Variants in ARHGAP26 observed in about 807,000 individuals in gnomAD.
ARHGAP26 encodes Rho GTPase activating protein 26, also known as rho GTPase-activating protein 26.
In ARHGAP26, 38 loss-of-function variants were observed where a neutral mutation model predicts 104.8. That is an observed-to-expected ratio of 0.36 (90% CI 0.28 to 0.48). The LOEUF is 0.48. Among genes scored for constraint, ARHGAP26 ranks in the 20% least tolerant of loss-of-function variants. The pLI is 0.99. For synonymous variants in ARHGAP26, 341 were observed against 340.0 expected, an observed-to-expected ratio of 1.00 and a Z score of -0.03; for missense variants, 704 against 947.9, an observed-to-expected ratio of 0.74 and a Z score of 3.38.
intron 11 of ARHGAP26, among the ~76,000 whole-genome samples, chr5:142,939,557 A>G (rs954178475): frequency 6.6e-5 from 10 of 152,230 alleles, no homozygotes; most frequent in African/African-American, 2.4e-4. Flanking sequence ...TGCATTGCAT[A>G]TGTTCTGCAT....
At chr5:143,200,489 C>T (rs1453433193) in intron 20 of ARHGAP26, among the ~76,000 whole-genome samples, 2 of 151,930 alleles carry the variant, frequency 1.3e-5, no homozygotes, top group Non-Finnish European at 2.9e-5. Flanking sequence ...ATAGAACAGC[C>T]TGTAGCCATT....
intron 10 of ARHGAP26, among the ~76,000 whole-genome samples, chr5:142,926,869 T>A (rs1319290433): frequency 1.3e-5 from 2 of 152,204 alleles, no homozygotes; most frequent in African/African-American, 4.8e-5. Context: ...CCTGCCCCTG[T>A]GATTACAACT....
chr5:143,093,976 G>C (rs1402412997), intron 17 of ARHGAP26, among the ~76,000 whole-genome samples: 6 of 152,106 alleles, frequency 3.9e-5, no homozygotes, highest in Non-Finnish European at 7.4e-5. Flanking sequence ...ACCTCTTGTT[G>C]AAGTTCAACG....
Position 142,808,488 on chromosome 5 carries a change from G to A in ARHGAP26, c.154+37573G>A, listed in dbSNP as rs1289745667. Among the ~76,000 whole-genome samples, 6 of 150,310 alleles carry A rather than the reference G, an allele frequency of 4.0e-5. No individual in the cohort carries two copies. In the Admixed American group the frequency reaches 4.0e-4, roughly 10 times the overall value. The stretch of plus-strand genomic sequence containing the variant: ...TAACATTTGCCATAGTTTATGCTTA[G>A]CAACCTGTGAGATACGGCTAGTGTC... On this transcript the variant is annotated intron_variant, in intron 1 of 22. Transcript: ENST00000645722.
intron 19 of ARHGAP26, among the ~76,000 whole-genome samples, chr5:143,146,617 C>T (rs1040187153): frequency 1.3e-5 from 2 of 152,154 alleles, no homozygotes; most frequent in African/African-American, 2.4e-5. Context: ...CATTACAGAG[C>T]GATTTATCAA....
intron 17 of ARHGAP26, among the ~76,000 whole-genome samples, chr5:143,071,943 C>G (rs1788332887): frequency 6.6e-6 from 1 of 151,980 alleles, no homozygotes; most frequent in Admixed American, 6.6e-5. Flanking sequence ...ATGTCAAAGT[C>G]CCATTGTTAA....
intron 1 of ARHGAP26, among the ~76,000 whole-genome samples, chr5:142,784,767 A>C (rs1758203395): frequency 6.6e-6 from 1 of 152,114 alleles, no homozygotes; most frequent in Admixed American, 6.5e-5. Context: ...CATACAATTC[A>C]ATGGCTTTTA....
chr5:143,158,891 AC>A, intron 20 of ARHGAP26, among the ~76,000 whole-genome samples: 1 of 152,228 alleles, frequency 6.6e-6, no homozygotes, highest in African/African-American at 2.4e-5. Context: ...AAACAAACAA[AC>A]AAAGGCAAAG....
Position 143,225,327 on chromosome 5 carries a change from A to C in ARHGAP26, c.*2881A>C, listed in dbSNP as rs1811568904. On this transcript the variant is annotated 3_prime_UTR_variant, in exon 23 of 23. Transcript: ENST00000645722. ...CTCAGCCTCCCAAGTAGCTGGGACTACAGGCATGAGCCATCACACCCAGCT... is the reference window on the plus strand; with the variant it reads ...CTCAGCCTCCCAAGTAGCTGGGACTCCAGGCATGAGCCATCACACCCAGCT... 1 of 182,096 alleles carries C rather than the reference A, an allele frequency of 5.5e-6. No homozygotes were observed. The highest frequency in any genetic ancestry group is 2.4e-5 in the African/African-American group (1 of 42,490). 11.3% of individuals were successfully genotyped at this position (182,096 alleles called of 1,614,324 possible).
intron 10 of ARHGAP26, among the ~76,000 whole-genome samples, chr5:142,927,026 A>G (rs999366584): frequency 6.6e-6 from 1 of 152,172 alleles, no homozygotes; most frequent in African/African-American, 2.4e-5. Flanking sequence ...TCTTTAAAAC[A>G]TAGGTAATAA....
intron 12 of ARHGAP26, among the ~76,000 whole-genome samples, chr5:143,035,647 C>T (rs1023259011): frequency 4.6e-5 from 7 of 152,032 alleles, no homozygotes; most frequent in Non-Finnish European, 1.5e-5. Flanking sequence ...AGGAACTTAT[C>T]CATGTAGGCC....
chr5:142,857,994 A>G (rs971360047), intron 1 of ARHGAP26, among the ~76,000 whole-genome samples: 1 of 152,032 alleles, frequency 6.6e-6, no homozygotes, highest in African/African-American at 2.4e-5. Flanking sequence ...CAAAAGCCAA[A>G]TCAAGAAACA....
At chr5:142,955,087 G>A (rs2082979970) in intron 11 of ARHGAP26, among the ~76,000 whole-genome samples, 1 of 127,716 alleles carries the variant, frequency 7.8e-6, no homozygotes. Flanking sequence ...AACATAGTGA[G>A]ACCTGTCTAC....
At chr5:142,824,655 A>C (rs1766864899) in intron 1 of ARHGAP26, among the ~76,000 whole-genome samples, 1 of 152,192 alleles carries the variant, frequency 6.6e-6, no homozygotes, top group South Asian at 2.1e-4. Flanking sequence ...GCCAGCTGCT[A>C]CTGTGCTTAA....
chr5:143,005,404 C>T (rs566847653), intron 11 of ARHGAP26, among the ~76,000 whole-genome samples: 9 of 152,350 alleles, frequency 5.9e-5, no homozygotes, highest in African/African-American at 2.2e-4. Flanking sequence ...TGAGTGTCAT[C>T]GGCTGAGTTT....
At chr5:142,789,102 A>G (rs1169180201) in intron 1 of ARHGAP26, among the ~76,000 whole-genome samples, 1 of 152,184 alleles carries the variant, frequency 6.6e-6, no homozygotes, top group Non-Finnish European at 1.5e-5. Flanking sequence ...CAGCCCTTAA[A>G]TCTTCTGTTT....
intron 9 of ARHGAP26, among the ~76,000 whole-genome samples, chr5:142,912,064 A>G (rs1400229953): frequency 6.6e-6 from 1 of 152,212 alleles, no homozygotes; most frequent in African/African-American, 2.4e-5. Context: ...GTTAGTTTAG[A>G]TAAAAAAGAT....
chr5:142,777,918 C>T (rs374529703), intron 1 of ARHGAP26, among the ~76,000 whole-genome samples: 6 of 152,188 alleles, frequency 3.9e-5, no homozygotes, highest in Non-Finnish European at 5.9e-5. Context: ...GTGCCATGAT[C>T]GTACTCATAC....
At chr5:142,865,583 C>A (rs1272487691) in intron 1 of ARHGAP26, among the ~76,000 whole-genome samples, 1 of 146,400 alleles carries the variant, frequency 6.8e-6, no homozygotes, top group Non-Finnish European at 1.5e-5. Context: ...TGTTGCCTGT[C>A]ATTTAGTTAC....
Sources: gnomAD v4.1 joint callset for allele counts (sites outside exome capture counted in the v4.1 genomes callset) on GRCh38, gnomAD v4.1.1 for gene constraint, MANE v1.5 for transcripts, NCBI Gene and HGNC (gene_info 2026-07-23, HGNC 2026-07-21) for gene names.